The following UGGT2 variants were observed in gnomAD, a reference collection of about 807,000 sequenced individuals.
UGGT2 encodes the protein UDP-glucose glycoprotein glucosyltransferase 2, also known as UDP-glucose:glycoprotein glucosyltransferase 2.
Under a neutral mutation model 192.1 loss-of-function variants are expected in UGGT2, and 180 were observed. That is an observed-to-expected ratio of 0.94 (90% CI 0.83 to 1.06). The LOEUF (loss-of-function observed/expected upper bound fraction) is 1.06. Ranked by LOEUF, UGGT2 falls within the 50% of genes least tolerant of loss-of-function variation. The pLI, the probability that UGGT2 is intolerant of heterozygous loss-of-function variation, is 0.00. For synonymous variants in UGGT2, 580 were observed against 591.0 expected (o/e 0.98, Z 0.27); for missense variants, 1,849 against 1,795.7 (o/e 1.03, Z -0.54).
chr13:95,940,954 T>C (rs2049658665), intron 15 of UGGT2, among the ~76,000 whole-genome samples: 1 of 152,188 alleles, frequency 6.6e-6, no homozygotes, highest in Non-Finnish European at 1.5e-5. Flanking sequence ...GTCTCAAATA[T>C]TCTAAACACA....
intron 20 of UGGT2, among the ~76,000 whole-genome samples, chr13:95,909,110 G>A (rs1352716134): frequency 6.6e-6 from 1 of 152,072 alleles, no homozygotes; most frequent in East Asian, 1.9e-4. Context: ...AATCCACCTT[G>A]AATTGATTTT....
At chr13:95,914,409 G>A (rs2048610303) in intron 20 of UGGT2, among the ~76,000 whole-genome samples, 1 of 151,860 alleles carries the variant, frequency 6.6e-6, no homozygotes, top group African/African-American at 2.4e-5. Flanking sequence ...AATTTCCTTG[G>A]ACAAGTGAAA....
intron 4 of UGGT2, among the ~76,000 whole-genome samples, chr13:96,015,522 A>G (rs1324262773): frequency 6.6e-6 from 1 of 152,176 alleles, no homozygotes. Context: ...GATATATCAT[A>G]GGTAGAAAAA....
intron 21 of UGGT2, among the ~76,000 whole-genome samples, chr13:95,901,179 A>T (rs2048095145): frequency 6.6e-6 from 1 of 152,088 alleles, no homozygotes; most frequent in African/African-American, 2.4e-5. Flanking sequence ...TGAGAATTTC[A>T]GGGAAACTAC....
At position 95,826,893 on chromosome 13, in the gene UGGT2, C is replaced by A. The variant is rs186406944; in HGVS notation, c.4528+6034G>T. ...AAAACAAGAATACACAGAAAAACAA[C>A]AAAAAAGAAGAGTAATAAGGAAAGG... is the stretch of plus-strand genomic sequence containing the variant. On this transcript the variant is annotated intron_variant, in intron 38 of 38. Transcript: ENST00000376747. Among the ~76,000 whole-genome samples the A allele has an allele frequency of 7.9e-5, 12 of 151,224 alleles. No individual in the cohort carries two copies. The East Asian group carries it at 1.7e-3, about 22-fold the overall frequency.
chr13:95,834,258 C>T (rs1343622836), intron 37 of UGGT2, among the ~76,000 whole-genome samples: 2 of 152,004 alleles, frequency 1.3e-5, no homozygotes, highest in African/African-American at 4.8e-5. Flanking sequence ...CATGCATACA[C>T]TCTATAAGCT....
chr13:95,960,541 G>A (rs746294959), intron 12 of UGGT2, among the ~76,000 whole-genome samples: 1 of 152,110 alleles, frequency 6.6e-6, no homozygotes, highest in Non-Finnish European at 1.5e-5. Context: ...CAAAGCCTAT[G>A]TGACATATGA....
chr13:95,911,168 A>C (rs1280563543), intron 20 of UGGT2, among the ~76,000 whole-genome samples: 2 of 152,212 alleles, frequency 1.3e-5, no homozygotes, highest in African/African-American at 2.4e-5. Context: ...TAACATCACA[A>C]CTGAAAGAAC....
At position 96,014,591 on chromosome 13, in the gene UGGT2, T is replaced by G. The variant is rs2052268704; in HGVS notation, c.486-1110A>C. 3.3e-5 allele frequency among the ~76,000 whole-genome samples: 5 copies of G among 152,150 alleles called. No homozygotes were observed. In the South Asian group the frequency reaches 1.0e-3, roughly 31 times the overall value. ...ATGCTTGGACAGCTGAAGCATAAAG[T>G]AAATAGAATCTTAACCCCAAATAGA... On this transcript the variant is annotated intron_variant, in intron 4 of 38. Transcript: ENST00000376747.
At chr13:95,991,637 G>A (rs2140902201) in intron 7 of UGGT2, among the ~76,000 whole-genome samples, 1 of 152,086 alleles carries the variant, frequency 6.6e-6, no homozygotes, top group African/African-American at 2.4e-5. Flanking sequence ...AAGTACAATG[G>A]CATTTCTTTC....
intron 2 of UGGT2, among the ~76,000 whole-genome samples, 174 bp downstream of exon 2, chr13:96,031,715 T>G (rs546072513): frequency 3.3e-5 from 5 of 152,218 alleles, no homozygotes; most frequent in Non-Finnish European, 7.3e-5. Context: ...CCTTGTATTT[T>G]TGGAAACAGA....
Position 96,044,882 on chromosome 13 carries a change from G to A in UGGT2, c.158+8273C>T, listed in dbSNP as rs1390037426. ...AAATTGTCAACATAAAAACGTCCAG[G>A]ACCAGACATATTCACAGCCAAATTC... On this transcript the variant is annotated intron_variant, in intron 1 of 38. Transcript: ENST00000376747. Among the ~76,000 whole-genome samples, 4 of 151,992 alleles carry A rather than the reference G, an allele frequency of 2.6e-5. No homozygotes were observed. In the South Asian group the frequency reaches 8.3e-4, roughly 32 times the overall value.
At chr13:95,885,067 T>C (rs576517861) in intron 26 of UGGT2, among the ~76,000 whole-genome samples, 1 of 152,290 alleles carries the variant, frequency 6.6e-6, no homozygotes, top group Admixed American at 6.5e-5. Context: ...CCACTAATAA[T>C]ATGAAGAGAA....
chr13:95,979,322 A>G (rs780957907), intron 10 of UGGT2, among the ~76,000 whole-genome samples: 1 of 152,130 alleles, frequency 6.6e-6, no homozygotes, highest in Non-Finnish European at 1.5e-5. Flanking sequence ...ATACAACTTG[A>G]GCATAGTCAT....
chr13:96,034,003 T>C (rs1039075152), intron 1 of UGGT2, among the ~76,000 whole-genome samples: 1 of 152,178 alleles, frequency 6.6e-6, no homozygotes, highest in Non-Finnish European at 1.5e-5. Context: ...ACCTCTTCCA[T>C]GGACTGCAGT....
chr13:95,957,386 G>T (rs753571521), intron 12 of UGGT2, among the ~76,000 whole-genome samples: 9 of 152,162 alleles, frequency 5.9e-5, no homozygotes, highest in Non-Finnish European at 1.0e-4. Flanking sequence ...TGGAGGGTGG[G>T]TTCCAAAACC....
At position 95,874,312 on chromosome 13, in the gene UGGT2, C is replaced by T. The variant is rs139563837; in HGVS notation, c.3473+2967G>A. On this transcript the variant is annotated intron_variant, in intron 29 of 38. Transcript: ENST00000376747. Reference sequence around the variant, plus strand: ...ACCCTAAATGTATGTTTTTCCTATACATACATGTCTATGATAAGGTTTAAT... The same window carrying T: ...ACCCTAAATGTATGTTTTTCCTATATATACATGTCTATGATAAGGTTTAAT... Among the ~76,000 whole-genome samples, 486 of 152,234 alleles carry T rather than the reference C, an allele frequency of 3.2e-3. 2 individuals carry two copies. Among genetic ancestry groups the T allele is most frequent in the African/African-American group, 0.011 (469 of 41,536 alleles).
At chr13:95,982,837 T>C (rs2051170785) in intron 10 of UGGT2, among the ~76,000 whole-genome samples, 1 of 152,176 alleles carries the variant, frequency 6.6e-6, no homozygotes, top group African/African-American at 2.4e-5. Flanking sequence ...TGTAAGGTGG[T>C]CAATGAGGCA....
intron 12 of UGGT2, among the ~76,000 whole-genome samples, chr13:95,968,265 T>C (rs2050653057): frequency 6.6e-6 from 1 of 151,942 alleles, no homozygotes; most frequent in Non-Finnish European, 1.5e-5. Flanking sequence ...AATGAAAAAA[T>C]TTCTACCTTC....
Sources: allele counts gnomAD v4.1 joint callset (sites outside exome capture counted in the v4.1 genomes callset), GRCh38; gene constraint gnomAD v4.1.1; transcripts MANE v1.5; gene names NCBI Gene and HGNC (gene_info 2026-07-23, HGNC 2026-07-21).